Variants in STPG2 observed in about 807,000 individuals in gnomAD.
The protein encoded by STPG2 is sperm tail PG-rich repeat containing 2.
STPG2 carries 56 observed loss-of-function variants against 54.2 expected under a neutral mutation model. That is an observed-to-expected ratio of 1.03 (90% confidence interval 0.83 to 1.29). The LOEUF is 1.29. Among genes scored for constraint, STPG2 ranks in the 50% most tolerant of loss-of-function variants. The pLI, the probability that STPG2 is intolerant of heterozygous loss-of-function variation, is 0.00. For synonymous variants in STPG2, 200 were observed against 181.8 expected (o/e 1.10, Z -0.81); for missense variants, 596 against 544.9 (o/e 1.09, Z -0.93).
intron 4 of STPG2, among the ~76,000 whole-genome samples, chr4:97,447,612 G>T (rs977823640): frequency 2.6e-5 from 4 of 152,224 alleles, no homozygotes; most frequent in Non-Finnish European, 4.4e-5. Flanking sequence ...GCTTCAGAGG[G>T]TGCAAGCTCC....
chr4:97,467,249 G>C (rs1729809398), intron 4 of STPG2, among the ~76,000 whole-genome samples: 1 of 151,776 alleles, frequency 6.6e-6, no homozygotes, highest in South Asian at 2.1e-4. Context: ...AATCATAAAA[G>C]AGGTTTATCA....
chr4:97,755,888 G>A (rs1384892321), intron 9 of STPG2, among the ~76,000 whole-genome samples: 1 of 152,182 alleles, frequency 6.6e-6, no homozygotes, highest in Admixed American at 6.5e-5. Flanking sequence ...ACAGCCTGAT[G>A]AAAAATTCTC....
At chr4:97,912,490 C>A (rs146931313) in intron 8 of STPG2, among the ~76,000 whole-genome samples, 1,631 of 152,276 alleles carry the variant, frequency 0.011, 47 homozygotes, top group Admixed American at 0.014. Flanking sequence ...CCTGATGGAG[C>A]TGAAATACAA....
intron 9 of STPG2, among the ~76,000 whole-genome samples, chr4:97,724,586 T>G (rs1232134935): frequency 6.6e-6 from 1 of 152,174 alleles, no homozygotes; most frequent in African/African-American, 2.4e-5. Flanking sequence ...GTGGTGAATT[T>G]TCTTATCAGT....
chr4:97,834,864 A>G (rs926154553), intron 9 of STPG2, among the ~76,000 whole-genome samples: 33 of 152,018 alleles, frequency 2.2e-4, no homozygotes, highest in African/African-American at 8.0e-4. Flanking sequence ...CCTGAATGCA[A>G]GAGACCCAAT....
intron 10 of STPG2, among the ~76,000 whole-genome samples, chr4:97,572,906 C>T (rs989736225): frequency 1.3e-5 from 2 of 152,038 alleles, no homozygotes; most frequent in East Asian, 3.9e-4. Context: ...TATTCAAATT[C>T]ATATGTAAAT....
intron 5 of STPG2, among the ~76,000 whole-genome samples, chr4:98,090,446 T>C: frequency 6.6e-6 from 1 of 152,202 alleles, no homozygotes; most frequent in Middle Eastern, 3.4e-3. Context: ...TGTTTTATTT[T>C]TGGTACATAT....
At chr4:98,067,372 A>C (rs571869730) in intron 5 of STPG2, among the ~76,000 whole-genome samples, 1 of 152,206 alleles carries the variant, frequency 6.6e-6, no homozygotes, top group Non-Finnish European at 1.5e-5. Context: ...CTATATATTC[A>C]ATTTTAAAGA....
At chr4:97,892,518 G>A (rs116323494) in intron 8 of STPG2, among the ~76,000 whole-genome samples, 38 of 152,134 alleles carry the variant, frequency 2.5e-4, no homozygotes, top group East Asian at 1.9e-4. Context: ...ACCAAAGACC[G>A]CATAAGCTAT....
chr4:98,023,563 C>T (rs1736304637), intron 5 of STPG2, among the ~76,000 whole-genome samples: 1 of 152,194 alleles, frequency 6.6e-6, no homozygotes. Context: ...TTAAAGCTGT[C>T]AGACGGGGAC....
intron 4 of STPG2, among the ~76,000 whole-genome samples, chr4:97,543,593 G>T (rs756479858): frequency 7.8e-4 from 118 of 152,058 alleles, no homozygotes; most frequent in Admixed American, 1.4e-3. Flanking sequence ...TTTTATTTAG[G>T]TCACTATACT....
chr4:98,110,127 C>A (rs1407958234), intron 3 of STPG2, among the ~76,000 whole-genome samples: 2 of 151,998 alleles, frequency 1.3e-5, no homozygotes, highest in Non-Finnish European at 2.9e-5. Context: ...AACAATGTGT[C>A]AAGTTGTTAC....
At chr4:97,688,844 T>A (rs1045027204) in intron 10 of STPG2, among the ~76,000 whole-genome samples, 6 of 152,212 alleles carry the variant, frequency 3.9e-5, no homozygotes, top group African/African-American at 1.4e-4. Flanking sequence ...AATTAAAAAA[T>A]TATTTTCTGG....
chr4:97,552,946 C>T (rs1362110360), intron 4 of STPG2, among the ~76,000 whole-genome samples: 1 of 152,108 alleles, frequency 6.6e-6, no homozygotes, highest in Admixed American at 6.5e-5. Flanking sequence ...GCAAATCAAA[C>T]CAGATTGGTA....
At chr4:97,636,846 A>G (rs894748727) in intron 10 of STPG2, among the ~76,000 whole-genome samples, 17 of 151,764 alleles carry the variant, frequency 1.1e-4, no homozygotes, top group South Asian at 6.2e-4. Flanking sequence ...TGTGGCAATA[A>G]TCAATAGCTT....
intron 8 of STPG2, among the ~76,000 whole-genome samples, chr4:97,935,403 T>G (rs1732711408): frequency 6.6e-6 from 1 of 152,170 alleles, no homozygotes; most frequent in Non-Finnish European, 1.5e-5. Flanking sequence ...TGATCTTAGT[T>G]ATTTCTTGTC....
At chr4:97,890,842 C>A (rs1043320933) in intron 8 of STPG2, among the ~76,000 whole-genome samples, 2 of 151,706 alleles carry the variant, frequency 1.3e-5, no homozygotes, top group East Asian at 1.9e-4. Flanking sequence ...AGTGAAAAAA[C>A]TTATGACAAG....
chr4:97,628,713 T>G (rs1329967147), intron 10 of STPG2, among the ~76,000 whole-genome samples: 1 of 152,100 alleles, frequency 6.6e-6, no homozygotes, highest in African/African-American at 2.4e-5. Context: ...TCGCTATTTT[T>G]AATGGCATGA....
At chr4:97,499,837 G>A (rs1730687013) in intron 4 of STPG2, among the ~76,000 whole-genome samples, 1 of 151,988 alleles carries the variant, frequency 6.6e-6, no homozygotes, top group Non-Finnish European at 1.5e-5. Flanking sequence ...CAGCTAGACA[G>A]GGCCACTTAG....
Sources: allele counts gnomAD v4.1 joint callset (sites outside exome capture counted in the v4.1 genomes callset), GRCh38; gene constraint gnomAD v4.1.1; transcripts MANE v1.5; gene names NCBI Gene and HGNC (gene_info 2026-07-23, HGNC 2026-07-21).